The following WFDC13 variants were observed in gnomAD, a reference collection of about 807,000 sequenced individuals.
The protein encoded by WFDC13 is WAP four-disulfide core domain protein 13.
A neutral mutation model predicts 10.9 loss-of-function variants in WFDC13; 6 were observed. The ratio of observed to expected loss-of-function variants is 0.55; its 90% confidence interval spans 0.30 to 1.09. The LOEUF is 1.09. Among genes scored for constraint, WFDC13 ranks in the 50% least tolerant of loss-of-function variants. The probability of loss-of-function intolerance (pLI) is 0.06; values close to 1 mark genes in which losing one functional copy is unlikely to be tolerated. For missense variants in WFDC13, 104 were observed against 109.6 expected, an observed-to-expected ratio of 0.95 and a Z score of 0.23; for synonymous variants, 38 against 39.5, an observed-to-expected ratio of 0.96 and a Z score of 0.14.
intron 2 of WFDC13, 27 bp downstream of exon 2, chr20:45,704,621 G>A (rs1479511146): frequency 5.0e-6 from 8 of 1,611,068 alleles, no homozygotes; most frequent in African/African-American, 1.3e-5. Flanking sequence ...ATCCAGGTCT[G>A]ATCCTAGAGC....
At position 45,702,058 on chromosome 20, in the gene WFDC13, C is replaced by T. The variant is rs1004182552; in HGVS notation, c.-66C>T. On this transcript the variant is annotated 5_prime_UTR_variant, in exon 1 of 4. Coordinates refer to ENST00000305479, the MANE Select transcript of WFDC13 (RefSeq NM_172005.2). ...TTGCCCTCTTTCCTTCTCTTCTCCT[C>T]ACAGCAGTGCCTGGTCAAACCCAGC... The T allele has an allele frequency of 1.3e-6, 2 of 1,485,868 alleles. No individual in the cohort carries two copies. Among genetic ancestry groups the T allele is most frequent in the African/African-American group, 2.8e-5 (2 of 72,042 alleles). 92.0% of individuals were successfully genotyped at this position (1,485,868 alleles called of 1,614,324 possible).
chr20:45,706,713 A>C (rs1249354589), intron 3 of WFDC13, among the ~76,000 whole-genome samples: 1 of 151,258 alleles, frequency 6.6e-6, no homozygotes, highest in Non-Finnish European at 1.5e-5. Context: ...CAGAGGTTGC[A>C]GTGAGCCAAG....
chr20:45,705,708 GGT>G (rs148016717), intron 2 of WFDC13, among the ~76,000 whole-genome samples, 153 bp from the exon 3 acceptor site: 2,397 of 152,174 alleles, frequency 0.016, 71 homozygotes, highest in African/African-American at 0.056. Context: ...ATAACTCTTT[GGT>G]GTCATTGAGT....
At chr20:45,703,304 G>T (rs557845977) in intron 1 of WFDC13, among the ~76,000 whole-genome samples, 3 of 152,246 alleles carry the variant, frequency 2.0e-5, no homozygotes, top group Non-Finnish European at 4.4e-5. Flanking sequence ...GAGAGGCCAG[G>T]GGTGAGTACT....
chr20:45,706,168 C>T (rs1236393283), intron 3 of WFDC13, among the ~76,000 whole-genome samples: 1 of 152,094 alleles, frequency 6.6e-6, no homozygotes, highest in Non-Finnish European at 1.5e-5. Context: ...AAGTCATGGC[C>T]CAGGGGGAAC....
At chr20:45,706,883 T>C (rs1314685770) in intron 3 of WFDC13, among the ~76,000 whole-genome samples, 1 of 152,192 alleles carries the variant, frequency 6.6e-6, no homozygotes, top group Non-Finnish European at 1.5e-5. Context: ...ATGATAGTAT[T>C]CATAAGTTGG....
chr20:45,705,639 C>A (rs1309994729), intron 2 of WFDC13, among the ~76,000 whole-genome samples: 1 of 152,158 alleles, frequency 6.6e-6, no homozygotes, highest in Non-Finnish European at 1.5e-5. Context: ...AAGAGACTAG[C>A]CCTTGCAATT....
chr20:45,706,482 A>T (rs556822518), intron 3 of WFDC13, among the ~76,000 whole-genome samples: 127 of 152,322 alleles, frequency 8.3e-4, no homozygotes, highest in African/African-American at 2.3e-3. Flanking sequence ...CTCTGAAAAA[A>T]GAGGGAGTGG....
chr20:45,708,371 GAGGCTGC>G lies in WFDC13; in HGVS notation c.*538_*544del, dbSNP rs1158626910. ...CTGATAGAGTTGGATCAGTGACTAA[GAGGCTGC>G]AATAAGGTGCCATGAAATCAAAATC... On this transcript the variant is annotated 3_prime_UTR_variant, in exon 4 of 4. Transcript: ENST00000305479. 1.3e-5 allele frequency: 2 copies of G among 152,116 alleles called. No individual in the cohort carries two copies. Among genetic ancestry groups the G allele is most frequent in the African/African-American group, 2.4e-5 (1 of 41,270 alleles). The allele number at this position is 152,116 out of a possible 1,614,324, so 9.4% of individuals were successfully genotyped here. A position where few individuals can be genotyped will look rare whatever the true frequency, so the allele number is the denominator to read the frequency against.
chr20:45,708,607 T>C lies in WFDC13; in HGVS notation c.*772T>C, dbSNP rs1324066526. On this transcript the variant is annotated 3_prime_UTR_variant, in exon 4 of 4. Transcript: ENST00000305479. ...TATCCTTCTGTTCTCTCTACAGAAA[T>C]GATATAAAAACTATAGTCATAAGAA... is the stretch of plus-strand genomic sequence containing the variant. The C allele has an allele frequency of 6.6e-6, 1 of 152,112 alleles. No individual in the cohort carries two copies. The highest frequency in any genetic ancestry group is 2.4e-5 in the African/African-American group (1 of 41,430). The allele number at this position is 152,112 out of a possible 1,614,324, so 9.4% of individuals were successfully genotyped here. A position where few individuals can be genotyped will look rare whatever the true frequency, so the allele number is the denominator to read the frequency against.
intron 2 of WFDC13, chr20:45,705,062 TTAACAC>T (rs982416030): frequency 1.4e-6 from 2 of 1,478,254 alleles, no homozygotes; most frequent in Non-Finnish European, 1.9e-6. Flanking sequence ...TGTCCAGACA[TTAACAC>T]TAGCCGCAAG....
At chr20:45,705,747 C>A in intron 2 of WFDC13, 116 bp from the exon 3 acceptor site, 1 of 958,376 alleles carries the variant, frequency 1.0e-6, no homozygotes, top group Non-Finnish European at 1.5e-6. Context: ...TTCCCTATGG[C>A]AAGAGAAATG....
chr20:45,703,875 G>A (rs1984278654), intron 1 of WFDC13, among the ~76,000 whole-genome samples: 1 of 152,154 alleles, frequency 6.6e-6, no homozygotes. Context: ...TTCTTACCAT[G>A]AAAGAAGTCA....
chr20:45,704,027 G>A (rs563596577), intron 1 of WFDC13, among the ~76,000 whole-genome samples: 32 of 152,206 alleles, frequency 2.1e-4, no homozygotes, highest in African/African-American at 7.5e-4. Context: ...TTAACCCCAG[G>A]GTAAACTATG....
intron 3 of WFDC13, among the ~76,000 whole-genome samples, 198 bp from the exon 4 acceptor site, chr20:45,707,660 C>T (rs1488045166): frequency 1.3e-5 from 2 of 152,118 alleles, no homozygotes; most frequent in Admixed American, 6.5e-5. Context: ...GTGATCATGA[C>T]AGAGGACACC....
chr20:45,706,061 C>A, intron 3 of WFDC13, 134 bp downstream of exon 3: 1 of 718,664 alleles, frequency 1.4e-6, no homozygotes. Flanking sequence ...TTGCCTCCTC[C>A]TCCATCATTC....
chr20:45,707,016 A>G (rs1225228729), intron 3 of WFDC13, among the ~76,000 whole-genome samples: 2 of 152,178 alleles, frequency 1.3e-5, no homozygotes, highest in African/African-American at 2.4e-5. Flanking sequence ...CCTTTTATTA[A>G]CCCTGTACAA....
Position 45,705,838 on chromosome 20 carries a change from A to G in WFDC13, c.240-25A>G, listed in dbSNP as rs1326353342. 3 of 1,609,602 alleles carry G rather than the reference A, an allele frequency of 1.9e-6. No homozygotes were observed. The African/African-American group carries it at 4.0e-5, about 22-fold the overall frequency. On this transcript the variant is annotated intron_variant, in intron 2 of 3. Transcript: ENST00000305479. ...TAAAAGTAAAACTTCACTAGTTAAT[A>G]TTTGAAAATATTTTTCTTCTACAGA...
intron 1 of WFDC13, among the ~76,000 whole-genome samples, chr20:45,703,791 T>C (rs896868619): frequency 1.3e-5 from 2 of 152,184 alleles, no homozygotes; most frequent in Non-Finnish European, 2.9e-5. Flanking sequence ...ATCCTGGTGC[T>C]CTGGCCTCCT....
Sources: allele counts gnomAD v4.1 joint callset (sites outside exome capture counted in the v4.1 genomes callset), GRCh38; gene constraint gnomAD v4.1.1; transcripts MANE v1.5; gene names NCBI Gene and HGNC (gene_info 2026-07-23, HGNC 2026-07-21).